Variants in DNAH11 observed in about 807,000 individuals in gnomAD.
DNAH11 encodes axonemal beta dynein heavy chain 11.
Under a neutral mutation model 526.0 loss-of-function variants are expected in DNAH11, and 442 were observed. The ratio of observed to expected loss-of-function variants is 0.84; its 90% confidence interval spans 0.78 to 0.91. The LOEUF (loss-of-function observed/expected upper bound fraction) is 0.91. Among genes scored for constraint, DNAH11 ranks in the 40% least tolerant of loss-of-function variants. DNAH11 has a pLI of 0.00. For missense variants in DNAH11, 6,989 were observed against 5,448.7 expected (o/e 1.28, Z -8.90); for synonymous variants, 2,461 against 1,935.9 (o/e 1.27, Z -7.12).
intron 31 of DNAH11, among the ~76,000 whole-genome samples, chr7:21,682,713 G>A (rs774681211): frequency 6.6e-6 from 1 of 152,032 alleles, no homozygotes; most frequent in African/African-American, 2.4e-5. Context: ...TTCACAATTC[G>A]AATGCCTGTA....
At chr7:21,627,868 A>C (rs1299375255) in intron 25 of DNAH11, among the ~76,000 whole-genome samples, 4 of 152,118 alleles carry the variant, frequency 2.6e-5, no homozygotes, top group Non-Finnish European at 4.4e-5. Context: ...GCTTTGGGTA[A>C]TATTGTCATT....
intron 74 of DNAH11, among the ~76,000 whole-genome samples, chr7:21,878,184 G>T (rs1783790211): frequency 6.6e-6 from 1 of 152,122 alleles, no homozygotes; most frequent in Non-Finnish European, 1.5e-5. Context: ...TGGAATGGTA[G>T]GTAGACTCAT....
At chr7:21,591,062 T>C in intron 13 of DNAH11, 40 bp downstream of exon 13, 1 of 1,390,298 alleles carries the variant, frequency 7.2e-7, no homozygotes, top group Non-Finnish European at 9.5e-7. Context: ...TAGGGCCTAT[T>C]ATGAATATAA....
chr7:21,601,688 G>A, intron 18 of DNAH11, 70 bp downstream of exon 18: 1 of 1,194,584 alleles, frequency 8.4e-7, no homozygotes, highest in Non-Finnish European at 1.1e-6. Context: ...TACTTTACAT[G>A]TACTCTCTTA....
chr7:21,892,721 T>G, intron 77 of DNAH11, 54 bp downstream of exon 77: 8 of 1,502,888 alleles, frequency 5.3e-6, no homozygotes, highest in Non-Finnish European at 7.1e-6. Flanking sequence ...TTACTTGTAC[T>G]GAAGTCTACT....
At chr7:21,610,184 G>A (rs1050723979) in intron 20 of DNAH11, among the ~76,000 whole-genome samples, 9 of 152,122 alleles carry the variant, frequency 5.9e-5, no homozygotes, top group African/African-American at 2.2e-4. Context: ...AACCTGGGAG[G>A]TGTAGCTTGC....
At chr7:21,862,398 C>A (rs1225253172) in intron 69 of DNAH11, among the ~76,000 whole-genome samples, 1 of 152,124 alleles carries the variant, frequency 6.6e-6, no homozygotes, top group Non-Finnish European at 1.5e-5. Context: ...CCGAGTGGAG[C>A]TGGGCTCCTT....
chr7:21,667,566 A>G (rs1363941326), intron 30 of DNAH11, among the ~76,000 whole-genome samples: 5 of 152,158 alleles, frequency 3.3e-5, no homozygotes, highest in African/African-American at 1.2e-4. Context: ...GAAGATCCCC[A>G]CAATGAGAGA....
rs569893561 is a variant in DNAH11, at chr7:21,736,315, A to G, written c.7645+471A>G. Among the ~76,000 whole-genome samples, 4 of 152,218 alleles carry G rather than the reference A, an allele frequency of 2.6e-5. No individual in the cohort carries two copies. The East Asian group carries it at 5.8e-4, about 22-fold the overall frequency. On this transcript the variant is annotated intron_variant, in intron 46 of 81. Transcript: ENST00000409508. The stretch of plus-strand genomic sequence containing the variant: ...TTTTGAACTATTGAATAACTAATCA[A>G]CGTAATCAAAAGAACCACACAGATT...
At chr7:21,666,509 A>G (rs1167557081) in intron 30 of DNAH11, among the ~76,000 whole-genome samples, 1 of 152,122 alleles carries the variant, frequency 6.6e-6, no homozygotes, top group Non-Finnish European at 1.5e-5. Flanking sequence ...GATAAATAAT[A>G]TAAAACTTTT....
intron 7 of DNAH11, among the ~76,000 whole-genome samples, chr7:21,571,390 C>T (rs1783882592): frequency 6.6e-6 from 1 of 152,100 alleles, no homozygotes; most frequent in African/African-American, 2.4e-5. Context: ...AGTGATCCTC[C>T]CGCCTCAGCT....
chr7:21,884,543 T>C (rs1323558475), intron 76 of DNAH11, 133 bp downstream of exon 76: 2 of 1,016,752 alleles, frequency 2.0e-6, no homozygotes, highest in Admixed American at 3.0e-5. Context: ...GGAAATTTCT[T>C]AGAAAAGCGG....
chr7:21,699,573 G>A (rs1363660846), intron 36 of DNAH11, among the ~76,000 whole-genome samples: 1 of 152,156 alleles, frequency 6.6e-6, no homozygotes, highest in Non-Finnish European at 1.5e-5. Flanking sequence ...ATATGAGAGT[G>A]ATTTATGTTG....
rs201121146 is a variant in DNAH11 at position 21,589,272 on chromosome 7, G to C, written c.2038G>C (p.Asp680His). ...QKYVEMTTLL[D>H]QFESRIYNEW... ...GTATGTTGAAATGACCACTTTGCTT[G>C]ATCAATTTGAAAGTCGTATCTATAA... Residue 680 changes from aspartate (D) to histidine (H), a missense_variant, in exon 12 of 82, where the codon GAT (aspartate) becomes CAT (histidine). Physicochemically the swap from Asp to His is moderately conservative, Grantham distance 81 (BLOSUM62 -1). Transcript: ENST00000409508. 6.2e-7 allele frequency: 1 copy of C among 1,609,684 alleles called. No homozygotes were observed. Among genetic ancestry groups the C allele is most frequent in the Admixed American group, 1.7e-5 (1 of 59,050 alleles).
intron 74 of DNAH11, among the ~76,000 whole-genome samples, chr7:21,879,313 C>T (rs181903813): frequency 1.2e-3 from 179 of 152,026 alleles, no homozygotes; most frequent in African/African-American, 3.9e-3. Flanking sequence ...AAAAATTAGC[C>T]GGGCATGGTG....
intron 76 of DNAH11, among the ~76,000 whole-genome samples, chr7:21,885,169 T>TGTAA (rs367811733): frequency 0.028 from 2,484 of 88,966 alleles, 241 homozygotes; most frequent in African/African-American, 0.077. Flanking sequence ...CCAAATGAAC[T>TGTAA]ATAAAAAAAA....
intron 55 of DNAH11, among the ~76,000 whole-genome samples, chr7:21,772,070 C>G (rs899429239): frequency 1.3e-5 from 2 of 152,100 alleles, no homozygotes; most frequent in African/African-American, 4.8e-5. Context: ...TGTTCTGGAA[C>G]GATTAGAGTT....
intron 28 of DNAH11, among the ~76,000 whole-genome samples, chr7:21,648,595 C>G (rs1179915376): frequency 6.6e-6 from 1 of 152,214 alleles, no homozygotes; most frequent in Non-Finnish European, 1.5e-5. Context: ...ATATGTGGGA[C>G]AGCCCAGCTG....
intron 64 of DNAH11, among the ~76,000 whole-genome samples, chr7:21,817,693 C>G (rs1789861174): frequency 6.6e-6 from 1 of 151,570 alleles, no homozygotes; most frequent in African/African-American, 2.4e-5. Flanking sequence ...ACCACCATCT[C>G]TATTTTTTTT....
Sources: allele counts gnomAD v4.1 joint callset (sites outside exome capture counted in the v4.1 genomes callset), GRCh38; gene constraint gnomAD v4.1.1; transcripts MANE v1.5; gene names NCBI Gene and HGNC (gene_info 2026-07-23, HGNC 2026-07-21).